PRKAA2: variants seen among roughly 807,000 people sequenced by gnomAD.
PRKAA2 encodes the protein 5'-AMP-activated protein kinase catalytic subunit alpha-2.
Under a neutral mutation model 56.3 loss-of-function variants are expected in PRKAA2, and 40 were observed. That is an observed-to-expected ratio of 0.71 (90% confidence interval 0.55 to 0.92). PRKAA2 has a LOEUF of 0.92. Among genes scored for constraint, PRKAA2 ranks in the 40% least tolerant of loss-of-function variants. The probability of loss-of-function intolerance (pLI) is 0.00; values close to 1 mark genes in which losing one functional copy is unlikely to be tolerated. For missense variants in PRKAA2, 542 were observed against 686.9 expected (o/e 0.79, Z 2.36); for synonymous variants, 214 against 234.2 (o/e 0.91, Z 0.79).
At chr1:56,692,632 T>G in intron 4 of PRKAA2, 130 bp downstream of exon 4, 4 of 816,312 alleles carry the variant, frequency 4.9e-6, no homozygotes, top group Non-Finnish European at 7.0e-6. Flanking sequence ...TGAAATCTCC[T>G]CAGTAGCTTT....
chr1:56,693,394 CAG>C (rs980553372), intron 4 of PRKAA2, among the ~76,000 whole-genome samples: 5 of 151,726 alleles, frequency 3.3e-5, no homozygotes, highest in African/African-American at 1.2e-4. Flanking sequence ...TTTGAAAGCA[CAG>C]GGCAAAAAAG....
At chr1:56,667,362 A>G (rs549979776) in intron 1 of PRKAA2, among the ~76,000 whole-genome samples, 1 of 152,158 alleles carries the variant, frequency 6.6e-6, no homozygotes, top group African/African-American at 2.4e-5. Flanking sequence ...ATGCCATTCC[A>G]ACTGGAAGGC....
chr1:56,696,541 T>C (rs1644260388), intron 6 of PRKAA2, among the ~76,000 whole-genome samples: 1 of 152,198 alleles, frequency 6.6e-6, no homozygotes, highest in African/African-American at 2.4e-5. Context: ...GTGTCTTTTT[T>C]CTCTCTTAAA....
At chr1:56,681,307 G>A (rs1569758417) in intron 2 of PRKAA2, among the ~76,000 whole-genome samples, 1 of 152,272 alleles carries the variant, frequency 6.6e-6, no homozygotes, top group East Asian at 1.9e-4. Context: ...TCTGTAGGTT[G>A]CCTATTCACT....
chr1:56,696,310 A>G (rs1166542009), intron 6 of PRKAA2, 151 bp downstream of exon 6: 13 of 663,358 alleles, frequency 2.0e-5, no homozygotes, highest in Non-Finnish European at 2.7e-5. Flanking sequence ...TGTTTCTCAA[A>G]CCTAACATAG....
At chr1:56,673,800 A>G (rs891573595) in intron 1 of PRKAA2, among the ~76,000 whole-genome samples, 2 of 152,222 alleles carry the variant, frequency 1.3e-5, no homozygotes, top group African/African-American at 2.4e-5. Flanking sequence ...AATGTTTATA[A>G]AAGATTAAAA....
intron 2 of PRKAA2, among the ~76,000 whole-genome samples, chr1:56,687,260 CACA>C (rs1266270496): frequency 2.0e-5 from 3 of 152,088 alleles, no homozygotes; most frequent in Non-Finnish European, 4.4e-5. Flanking sequence ...CTACAGCAAA[CACA>C]ACAATAGGAT....
chr1:56,665,978 T>C (rs1359188939), intron 1 of PRKAA2, among the ~76,000 whole-genome samples: 1 of 152,182 alleles, frequency 6.6e-6, no homozygotes, highest in Non-Finnish European at 1.5e-5. Context: ...TGGAATGCAG[T>C]ACTACATAGG....
chr1:56,666,924 A>G (rs779881619), intron 1 of PRKAA2, among the ~76,000 whole-genome samples: 5 of 152,164 alleles, frequency 3.3e-5, no homozygotes, highest in African/African-American at 1.2e-4. Flanking sequence ...CCTCCATTCT[A>G]TATGGTACCA....
At chr1:56,672,062 A>G (rs1644080936) in intron 1 of PRKAA2, among the ~76,000 whole-genome samples, 1 of 152,156 alleles carries the variant, frequency 6.6e-6, no homozygotes, top group South Asian at 2.1e-4. Context: ...AGTGAAATAG[A>G]AGACACAAGT....
Position 56,681,014 on chromosome 1 carries a change from C to T in PRKAA2, c.236+6492C>T, listed in dbSNP as rs377610234. On this transcript the variant is annotated intron_variant, in intron 2 of 8. Transcript: ENST00000371244. ...TCCTATTTCTCCACATCCTCTCCAG[C>T]ACCTGTCGTTTCCTGACTTTTTAAT... 2.0e-4 allele frequency among the ~76,000 whole-genome samples: 31 copies of T among 152,352 alleles called. 2 individuals are homozygous for T. The highest frequency in any genetic ancestry group is 1.7e-3 in the East Asian group (9 of 5,184).
At chr1:56,646,433 A>G (rs4551620) in intron 1 of PRKAA2, among the ~76,000 whole-genome samples, 66,170 of 151,972 alleles carry the variant, frequency 0.44, 14,970 homozygotes, top group Middle Eastern at 0.54. Context: ...TCCCCTTTTG[A>G]ATGTAGAAAA....
chr1:56,676,323 GAGTC>G (rs1279178432), intron 2 of PRKAA2, among the ~76,000 whole-genome samples: 3 of 152,148 alleles, frequency 2.0e-5, no homozygotes, highest in Non-Finnish European at 4.4e-5. Flanking sequence ...TAGAAGAAAA[GAGTC>G]AGAGAAAAAG....
At chr1:56,683,029 A>C (rs1207972450) in intron 2 of PRKAA2, among the ~76,000 whole-genome samples, 2 of 150,678 alleles carry the variant, frequency 1.3e-5, no homozygotes, top group African/African-American at 4.9e-5. Flanking sequence ...AGGGAGAACT[A>C]ATGTATTACT....
At chr1:56,680,017 G>A (rs560494867) in intron 2 of PRKAA2, among the ~76,000 whole-genome samples, 9 of 152,196 alleles carry the variant, frequency 5.9e-5, no homozygotes, top group African/African-American at 1.9e-4. Flanking sequence ...CATTTAACAT[G>A]CAAAATGTGT....
intron 7 of PRKAA2, among the ~76,000 whole-genome samples, chr1:56,705,692 G>A (rs996461975): frequency 5.3e-5 from 8 of 152,160 alleles, no homozygotes; most frequent in Admixed American, 2.0e-4. Flanking sequence ...GAGCCACTGT[G>A]CCTGGTCCTC....
intron 2 of PRKAA2, among the ~76,000 whole-genome samples, chr1:56,680,068 TG>T (rs1644142347): frequency 1.3e-5 from 2 of 152,276 alleles, no homozygotes; most frequent in Admixed American, 1.3e-4. Context: ...TGCTCAACAG[TG>T]GGCTATTAGT....
intron 1 of PRKAA2, among the ~76,000 whole-genome samples, chr1:56,669,852 G>A (rs1644062525): frequency 6.6e-6 from 1 of 152,214 alleles, no homozygotes; most frequent in Admixed American, 6.5e-5. Context: ...AAGTCTGTTA[G>A]TTGAAGGAGA....
intron 8 of PRKAA2, among the ~76,000 whole-genome samples, chr1:56,706,791 A>G (rs893358333): frequency 1.3e-5 from 2 of 152,212 alleles, no homozygotes; most frequent in African/African-American, 4.8e-5. Context: ...GTGGGATAAA[A>G]CCAGAATAAA....
Sources: gnomAD v4.1 joint callset for allele counts (sites outside exome capture counted in the v4.1 genomes callset) on GRCh38, gnomAD v4.1.1 for gene constraint, MANE v1.5 for transcripts, NCBI Gene and HGNC (gene_info 2026-07-23, HGNC 2026-07-21) for gene names.